The following CEP295 variants were observed in gnomAD, a reference collection of about 807,000 sequenced individuals.
The protein encoded by CEP295 is centrosomal protein of 295 kDa.
A neutral mutation model predicts 291.6 loss-of-function variants in CEP295; 190 were observed. That is an observed-to-expected ratio of 0.65 (90% CI 0.58 to 0.73). The LOEUF (loss-of-function observed/expected upper bound fraction) is 0.73, where lower values mean the gene tolerates loss of function less well. Among genes scored for constraint, CEP295 ranks in the 30% least tolerant of loss-of-function variants. The pLI, the probability that CEP295 is intolerant of heterozygous loss-of-function variation, is 0.00. For missense variants in CEP295, 2,863 were observed against 2,949.4 expected (o/e 0.97, Z 0.68); for synonymous variants, 993 against 1,038.8 (o/e 0.96, Z 0.85).
At chr11:93,709,452 A>C (rs1363866490) in intron 18 of CEP295, among the ~76,000 whole-genome samples, 2 of 152,144 alleles carry the variant, frequency 1.3e-5, no homozygotes, top group African/African-American at 4.8e-5. Flanking sequence ...CTGAGTACAC[A>C]GTAAATGTAT....
In CEP295 at chr11:93,667,630, C is replaced by T. The variant is rs67112133; in HGVS notation, c.132C>T (p.Ile44=). 0.1 allele frequency: 155,975 copies of T among 1,546,342 alleles called. 8,728 individuals carry two copies. Among genetic ancestry groups the T allele is most frequent in the East Asian group, 0.21 (8,770 of 40,796 alleles). ...LLQVREQERD[I]ALQIREDIKQ... ...AGGTTCGAGAACAAGAAAGAGATAT[C>T]GCCTTACAGATAAGAGAAGACATAA... Residue 44 remains isoleucine (I), a synonymous_variant, in exon 3 of 30, where the codon ATC becomes ATT. Coordinates refer to ENST00000325212, the MANE Select transcript of CEP295 (RefSeq NM_033395.2).
chr11:93,698,590 C>A lies in CEP295; in HGVS notation c.3678C>A (p.Asp1226Glu). Reference protein sequence around the residue: ...RFQECISIKSDSTIPLSHPKI... With the variant: ...RFQECISIKSESTIPLSHPKI... ...AGGAATGTATATCAATCAAGAGTGA[C>A]AGTACCATTCCCTTAAGCCATCCTA... is the stretch of plus-strand genomic sequence containing the variant. Residue 1226 changes from aspartate to glutamate, a missense_variant, in exon 15 of 30, where the codon GAC (aspartate) becomes GAA (glutamate). Asp to Glu is a conservative substitution (Grantham distance 45). This residue lies in a region of CEP295 where 2,295 missense variants were observed against 2,335.7 expected (regional missense o/e 0.98). Coordinates refer to ENST00000325212, the MANE Select transcript of CEP295 (RefSeq NM_033395.2). The A allele has an allele frequency of 1.3e-6, 2 of 1,552,014 alleles. No individual in the cohort carries two copies.
rs147692951 is a variant in CEP295, at chr11:93,662,650, T to C, written c.-27+876T>C. ...AAACTTCCTTACAGCAGGATTCCGA[T>C]TGATAATTGTAGAAGGAATAATGGA... is the stretch of plus-strand genomic sequence containing the variant. On this transcript the variant is annotated intron_variant, in intron 1 of 29. Transcript: ENST00000325212. Among the ~76,000 whole-genome samples the C allele has an allele frequency of 1.3e-3, 193 of 152,320 alleles. 1 individual carries two copies. Among genetic ancestry groups the C allele is most frequent in the African/African-American group, 4.4e-3 (181 of 41,566 alleles).
intron 9 of CEP295, 71 bp from the exon 10 acceptor site, chr11:93,687,573 A>T (rs1352043493): frequency 2.5e-6 from 2 of 797,816 alleles, no homozygotes; most frequent in East Asian, 5.3e-5. Context: ...GTAACCGAAT[A>T]TAAGATGGAA....
rs143213241 is a variant in CEP295 at position 93,725,246 on chromosome 11, C to CAA, written c.6319-393_6319-392dup. ...TGGACAACATAGTGAGACCCCATCT[C>CAA]AAAAAAAAAAAAAGGAAAACAGCTA... is the stretch of plus-strand genomic sequence containing the variant. On this transcript the variant is annotated intron_variant, in intron 22 of 29. Transcript: ENST00000325212. 5.7e-3 allele frequency among the ~76,000 whole-genome samples: 721 copies of CAA among 127,314 alleles called. 10 individuals carry two copies. Among genetic ancestry groups the CAA allele is most frequent in the African/African-American group, 0.019 (664 of 34,310 alleles). 83.5% of individuals were successfully genotyped at this position (127,314 alleles called of 152,430 possible).
At chr11:93,691,810 G>C (rs768404611) in intron 11 of CEP295, 35 bp downstream of exon 11, 3 of 1,376,644 alleles carry the variant, frequency 2.2e-6, no homozygotes, top group African/African-American at 2.9e-5. Context: ...AATTAAATTT[G>C]ACTCCTTGCA....
rs535723417 is a variant in CEP295 at position 93,686,907 on chromosome 11, A to G, written c.1115-737A>G. 6.6e-5 allele frequency among the ~76,000 whole-genome samples: 10 copies of G among 152,300 alleles called. No homozygotes were observed. In the East Asian group the frequency reaches 1.5e-3, roughly 24 times the overall value. On this transcript the variant is annotated intron_variant, in intron 9 of 29. Coordinates refer to ENST00000325212, the MANE Select transcript of CEP295 (RefSeq NM_033395.2). ...TTAATATAAGTTAGACAAAACTACAATCTGCCTATTTTCAACCTCTTAAAG... is the reference window on the plus strand; with the variant it reads ...TTAATATAAGTTAGACAAAACTACAGTCTGCCTATTTTCAACCTCTTAAAG...
At chr11:93,687,475 G>A (rs1951301654) in intron 9 of CEP295, among the ~76,000 whole-genome samples, 169 bp from the exon 10 acceptor site, 1 of 152,120 alleles carries the variant, frequency 6.6e-6, no homozygotes, top group African/African-American at 2.4e-5. Flanking sequence ...TAGTTATAAT[G>A]ATTGGAGTCA....
rs1591160086 is a variant in CEP295 at position 93,724,066 on chromosome 11, T to C, written c.6197-188T>C. 9.8e-6 allele frequency: 5 copies of C among 511,242 alleles called. No homozygotes were observed. In the East Asian group the frequency reaches 1.8e-4, roughly 18 times the overall value. The allele number at this position is 511,242 out of a possible 1,614,324, so 31.7% of individuals were successfully genotyped here. On this transcript the variant is annotated intron_variant, in intron 21 of 29. Coordinates refer to ENST00000325212, the MANE Select transcript of CEP295 (RefSeq NM_033395.2). ...ATATTTTGGACCTTTGAAATAATCA[T>C]GATAGGACTTAACTTTAAAGCATCT...
At chr11:93,703,769 T>C (rs1304515745) in intron 17 of CEP295, among the ~76,000 whole-genome samples, 1 of 140,106 alleles carries the variant, frequency 7.1e-6, no homozygotes, top group Non-Finnish European at 1.5e-5. Context: ...CTGTAATTCT[T>C]TTTTTTTTTT....
chr11:93,722,966 C>T, intron 20 of CEP295, 75 bp from the exon 21 acceptor site: 1 of 1,281,346 alleles, frequency 7.8e-7, no homozygotes, highest in Non-Finnish European at 1.1e-6. Context: ...CCTCGGCCTC[C>T]CAAAGTGCTG....
chr11:93,698,172 G>C lies in CEP295; in HGVS notation c.3260G>C (p.Arg1087Thr). 1 of 1,552,112 alleles carries C rather than the reference G, an allele frequency of 6.4e-7. No homozygotes were observed. The highest frequency in any genetic ancestry group is 8.7e-7 in the Non-Finnish European group (1 of 1,147,070). The change falls in exon 15 of 30, where the codon AGA becomes ACA. Residue 1087 changes from arginine to threonine, a missense_variant. Coordinates refer to ENST00000325212, the MANE Select transcript of CEP295 (RefSeq NM_033395.2). ...GTGGAATTACTTTTACATAGACAAAGAGATTTGGGGGACAGTAAGTCTGGG... is the reference window on the plus strand; with the variant it reads ...GTGGAATTACTTTTACATAGACAAACAGATTTGGGGGACAGTAAGTCTGGG... Reference protein sequence around the residue: ...AQVELLLHRQRDLGDSKSGLV... With the variant: ...AQVELLLHRQTDLGDSKSGLV...
intron 17 of CEP295, among the ~76,000 whole-genome samples, chr11:93,703,935 A>AT (rs1460242747): frequency 2.0e-5 from 3 of 151,700 alleles, no homozygotes. Context: ...AGCCCAGCTA[A>AT]TTTTTTTATA....
Position 93,683,679 on chromosome 11 carries a change from A to G in CEP295, c.886A>G (p.Met296Val). ...LVELPYKRSE[M>V]KEDWQRELEF... ...TGAACTTCCATACAAACGCAGTGAA[A>G]TGAAAGAAGACTGGCAGAGAGAATT... Residue 296 changes from methionine (M) to valine (V), a missense_variant, in exon 8 of 30, where the codon ATG becomes GTG. Transcript: ENST00000325212. 6.5e-7 allele frequency: 1 copy of G among 1,549,928 alleles called. No individual in the cohort carries two copies.
At position 93,707,363 on chromosome 11, in the gene CEP295, A is replaced by ATATATG. The variant is rs1252383008; in HGVS notation, c.5749+472_5749+477dup. Among the ~76,000 whole-genome samples, 4 of 152,254 alleles carry ATATATG rather than the reference A, an allele frequency of 2.6e-5. No individual in the cohort carries two copies. The East Asian group carries it at 7.7e-4, about 29-fold the overall frequency. Reference sequence around the variant, plus strand: ...TGTTAATCTTCTCGCTTCTGAATTTATATATGTATATATATATAGCACAGG... The same window carrying ATATATG: ...TGTTAATCTTCTCGCTTCTGAATTTATATATGTATATGTATATATATATAGCACAGG... On this transcript the variant is annotated intron_variant, in intron 18 of 29. Transcript: ENST00000325212.
At chr11:93,695,399 C>A in intron 12 of CEP295, 98 bp from the exon 13 acceptor site, 2 of 760,268 alleles carry the variant, frequency 2.6e-6, no homozygotes, top group South Asian at 2.9e-5. Context: ...AATTGGTACC[C>A]TTGGTGAAGA....
At chr11:93,695,385 T>C (rs967533629) in intron 12 of CEP295, 112 bp from the exon 13 acceptor site, 6 of 633,672 alleles carry the variant, frequency 9.5e-6, no homozygotes, top group African/African-American at 7.8e-5. Flanking sequence ...CTTACTTCTT[T>C]GAAAATTGGT....
In CEP295 at chr11:93,696,705, C is replaced by T; in HGVS notation, c.1793C>T (p.Thr598Ile). 2 of 1,548,600 alleles carry T rather than the reference C, an allele frequency of 1.3e-6. No individual in the cohort carries two copies. Among genetic ancestry groups the T allele is most frequent in the Non-Finnish European group, 8.7e-7 (1 of 1,145,520 alleles). The change falls in exon 15 of 30, where the codon ACA becomes ATA. Residue 598 changes from threonine to isoleucine, a missense_variant. Coordinates refer to ENST00000325212, the MANE Select transcript of CEP295 (RefSeq NM_033395.2). ...QNRLHRQSVE[T>I]ARKQLLEYQT... ...AGGTTACACAGGCAGTCTGTTGAAA[C>T]AGCCAGGAAACAATTACTTGAATAT...
At chr11:93,674,523 TCTGGCCTTGTCAA>T (rs1950600316) in intron 5 of CEP295, among the ~76,000 whole-genome samples, 1 of 152,214 alleles carries the variant, frequency 6.6e-6, no homozygotes, top group Admixed American at 6.5e-5. Context: ...GCCACTGTAC[TCTGGCCTTGTCAA>T]CAGGCCTTAA....
Sources: allele counts gnomAD v4.1 joint callset (sites outside exome capture counted in the v4.1 genomes callset), GRCh38; gene constraint gnomAD v4.1.1; regional missense constraint gnomAD v4.1.1; transcripts MANE v1.5; gene names NCBI Gene and HGNC (gene_info 2026-07-23, HGNC 2026-07-21).